CACHD1: variants seen among roughly 807,000 people sequenced by gnomAD.
CACHD1 encodes VWFA and cache domain-containing protein 1.
CACHD1 carries 71 observed loss-of-function variants against 138.7 expected under a neutral mutation model. That is an observed-to-expected ratio of 0.51 (90% confidence interval 0.42 to 0.62). The LOEUF (loss-of-function observed/expected upper bound fraction) is 0.62. CACHD1 is among the 20% of genes least tolerant of loss of function. The pLI, the probability that CACHD1 is intolerant of heterozygous loss-of-function variation, is 0.00. For missense variants in CACHD1, 1,389 were observed against 1,625.3 expected, an observed-to-expected ratio of 0.85 and a Z score of 2.50; for synonymous variants, 578 against 591.5, an observed-to-expected ratio of 0.98 and a Z score of 0.33.
At chr1:64,616,165 C>T (rs568881769) in intron 4 of CACHD1, among the ~76,000 whole-genome samples, 51 of 152,134 alleles carry the variant, frequency 3.4e-4, no homozygotes, top group Non-Finnish European at 5.4e-4. Flanking sequence ...CTCTACCCAC[C>T]CAGACTTCCT....
chr1:64,533,216 C>T (rs879578514), intron 1 of CACHD1, among the ~76,000 whole-genome samples: 18 of 152,098 alleles, frequency 1.2e-4, no homozygotes, highest in Admixed American at 5.2e-4. Flanking sequence ...ATTAGCCGGG[C>T]GTGGTGGTGC....
chr1:64,652,601 TTCTA>T (rs1457472905), intron 10 of CACHD1, among the ~76,000 whole-genome samples: 1 of 152,174 alleles, frequency 6.6e-6, no homozygotes, highest in African/African-American at 2.4e-5. Context: ...CAGATAACTT[TTCTA>T]AAGAAGAAAT....
chr1:64,593,977 T>C (rs1301394307), intron 3 of CACHD1, among the ~76,000 whole-genome samples: 2 of 152,086 alleles, frequency 1.3e-5, no homozygotes, highest in Non-Finnish European at 2.9e-5. Flanking sequence ...GGAAATAGGC[T>C]TAGAAAGTTT....
At chr1:64,548,169 A>C (rs959868673) in intron 1 of CACHD1, among the ~76,000 whole-genome samples, 1 of 152,220 alleles carries the variant, frequency 6.6e-6, no homozygotes, top group Non-Finnish European at 1.5e-5. Context: ...TTGTTTTAAC[A>C]AAAAGGAGAA....
In CACHD1 at chr1:64,678,152, C is replaced by G; in HGVS notation, c.3093-7C>G. 2 of 1,607,974 alleles carry G rather than the reference C, an allele frequency of 1.2e-6. No homozygotes were observed. The highest frequency in any genetic ancestry group is 1.7e-6 in the Non-Finnish European group (2 of 1,177,654). On this transcript the variant is annotated splice_polypyrimidine_tract_variant and splice_region_variant and intron_variant, in intron 22 of 26. Coordinates refer to ENST00000651257, the MANE Select transcript of CACHD1 (RefSeq NM_020925.4). Reference sequence around the variant, plus strand: ...TTATAGAAGACTAAGTATTGTTTTTCTGGCAGGGACTGTTTTGGGGTGCTG... The same window carrying G: ...TTATAGAAGACTAAGTATTGTTTTTGTGGCAGGGACTGTTTTGGGGTGCTG...
At chr1:64,519,732 GT>G (rs964401440) in intron 1 of CACHD1, among the ~76,000 whole-genome samples, 2 of 24,810 alleles carry the variant, frequency 8.1e-5, no homozygotes, top group East Asian at 6.3e-3. Context: ...CACATTTTGA[GT>G]TTTTTTCTTT....
intron 4 of CACHD1, among the ~76,000 whole-genome samples, chr1:64,617,095 C>G (rs1453704289): frequency 6.7e-6 from 1 of 150,152 alleles, no homozygotes; most frequent in Non-Finnish European, 1.5e-5. Context: ...GTTAGTTGCC[C>G]CAAACCAAAC....
At chr1:64,546,036 A>G (rs1025635183) in intron 1 of CACHD1, among the ~76,000 whole-genome samples, 16 of 152,238 alleles carry the variant, frequency 1.1e-4, no homozygotes, top group Admixed American at 9.8e-4. Context: ...AATTTTAAAA[A>G]CAAGAAAGAG....
At chr1:64,594,266 A>AAG (rs890856746) in intron 3 of CACHD1, among the ~76,000 whole-genome samples, 3 of 151,684 alleles carry the variant, frequency 2.0e-5, no homozygotes, top group African/African-American at 7.3e-5. Context: ...AAAAAAAAAA[A>AAG]AAAGAAAGAA....
intron 1 of CACHD1, among the ~76,000 whole-genome samples, chr1:64,523,065 A>G (rs1570329061): frequency 1.3e-5 from 2 of 152,230 alleles, no homozygotes; most frequent in African/African-American, 4.8e-5. Context: ...TCCCCAGTAG[A>G]GCAGAATTTG....
At chr1:64,670,926 C>T (rs1239889320) in intron 16 of CACHD1, among the ~76,000 whole-genome samples, 1 of 152,118 alleles carries the variant, frequency 6.6e-6, no homozygotes, top group Non-Finnish European at 1.5e-5. Context: ...AAGTTAGCAC[C>T]GTGTTTTACT....
At chr1:64,481,818 A>G (rs1646213099) in intron 1 of CACHD1, among the ~76,000 whole-genome samples, 4 of 152,232 alleles carry the variant, frequency 2.6e-5, no homozygotes, top group Non-Finnish European at 5.9e-5. Context: ...GCTGGAAATT[A>G]ATGATCTATA....
intron 25 of CACHD1, 30 bp from the exon 26 acceptor site, chr1:64,681,975 G>A: frequency 6.3e-7 from 1 of 1,584,488 alleles, no homozygotes; most frequent in Non-Finnish European, 8.7e-7. Context: ...TGGCATAAGA[G>A]TGACATTAAC....
At chr1:64,650,502 A>G (rs1036518050) in intron 9 of CACHD1, among the ~76,000 whole-genome samples, 4 of 152,240 alleles carry the variant, frequency 2.6e-5, no homozygotes, top group Non-Finnish European at 5.9e-5. Flanking sequence ...TAAAACAGAT[A>G]GCATTCTAAA....
intron 26 of CACHD1, among the ~76,000 whole-genome samples, chr1:64,687,794 G>A (rs1650415343): frequency 2.6e-5 from 4 of 152,090 alleles, no homozygotes; most frequent in African/African-American, 7.2e-5. Flanking sequence ...TTGGTGGGGG[G>A]TGGGGCAGCA....
chr1:64,655,330 G>T (rs1649227466), intron 12 of CACHD1, among the ~76,000 whole-genome samples: 2 of 151,836 alleles, frequency 1.3e-5, no homozygotes, highest in African/African-American at 4.8e-5. Context: ...ATATATATTT[G>T]TGTGTGTGTG....
rs1253918112 is a variant in CACHD1, at chr1:64,544,528, A to G, written c.199-6066A>G. On this transcript the variant is annotated intron_variant, in intron 1 of 26. Coordinates refer to ENST00000651257, the MANE Select transcript of CACHD1 (RefSeq NM_020925.4). ...ATGGTTTGGGAGGGTGGGTCAGTGGATGGAGAGAGGGAAGGACTAAGGTGC... is the reference window on the plus strand; with the variant it reads ...ATGGTTTGGGAGGGTGGGTCAGTGGGTGGAGAGAGGGAAGGACTAAGGTGC... Among the ~76,000 whole-genome samples the G allele has an allele frequency of 9.2e-5, 14 of 152,034 alleles. No homozygotes were observed. In the East Asian group the frequency reaches 2.7e-3, roughly 29 times the overall value.
chr1:64,471,853 A>T (rs1412387675), intron 1 of CACHD1, among the ~76,000 whole-genome samples: 1 of 152,132 alleles, frequency 6.6e-6, no homozygotes, highest in African/African-American at 2.4e-5. Flanking sequence ...CACGACCAAC[A>T]GTAGTAAAAA....
chr1:64,487,878 G>C (rs1253680488), intron 1 of CACHD1, among the ~76,000 whole-genome samples: 1 of 152,178 alleles, frequency 6.6e-6, no homozygotes, highest in Non-Finnish European at 1.5e-5. Context: ...TGTCCATGCT[G>C]GTGGGGTTTA....
Sources: gnomAD v4.1 joint callset for allele counts (sites outside exome capture counted in the v4.1 genomes callset) on GRCh38, gnomAD v4.1.1 for gene constraint, MANE v1.5 for transcripts, NCBI Gene and HGNC (gene_info 2026-07-23, HGNC 2026-07-21) for gene names.